FIGN: variants seen among roughly 807,000 people sequenced by gnomAD.
FIGN encodes fidgetin, microtubule severing factor.
FIGN carries 11 observed loss-of-function variants against 51.3 expected under a neutral mutation model. That is an observed-to-expected ratio of 0.21 (90% CI 0.13 to 0.35). The LOEUF (loss-of-function observed/expected upper bound fraction) is 0.35, where lower values mean the gene tolerates loss of function less well. Among genes scored for constraint, FIGN ranks in the 10% least tolerant of loss-of-function variants. The pLI, the probability that FIGN is intolerant of heterozygous loss-of-function variation, is 1.00. For synonymous variants in FIGN, 407 were observed against 363.2 expected (o/e 1.12, Z -1.37); for missense variants, 857 against 943.6 (o/e 0.91, Z 1.20).
At chr2:163,735,298 A>G (rs1173718498) in intron 1 of FIGN, among the ~76,000 whole-genome samples, 1 of 151,716 alleles carries the variant, frequency 6.6e-6, no homozygotes, top group Admixed American at 6.6e-5. Flanking sequence ...CTTGCCAACA[A>G]TACGCCCACC....
At chr2:163,667,272 C>T (rs759813789) in intron 2 of FIGN, among the ~76,000 whole-genome samples, 1 of 151,376 alleles carries the variant, frequency 6.6e-6, no homozygotes, top group African/African-American at 2.4e-5. Context: ...TATTGCTTCA[C>T]CTGTTCTCTC....
chr2:163,611,209 G>A lies in FIGN; in HGVS notation c.623C>T (p.Ser208Leu). The A allele has an allele frequency of 6.2e-7, 1 of 1,614,150 alleles. No homozygotes were observed. The highest frequency in any genetic ancestry group is 8.5e-7 in the Non-Finnish European group (1 of 1,180,020). ...YSSQPAPALP[S>L]PHPSPLHSSG... ...GCTATGCAAAGGAGACGGATGAGGTGAAGGAAGTGCAGGTGCTGGCTGGCT... is the reference window on the plus strand; with the variant it reads ...GCTATGCAAAGGAGACGGATGAGGTAAAGGAAGTGCAGGTGCTGGCTGGCT... Residue 208 changes from serine (S) to leucine (L), a missense_variant, in exon 3 of 3, where the codon TCA becomes TTA. This residue lies in a region of FIGN where 799 missense variants were observed against 849.5 expected (regional missense o/e 0.94). Transcript: ENST00000333129.
chr2:163,693,411 T>C (rs1459073676), intron 2 of FIGN, among the ~76,000 whole-genome samples: 1 of 152,174 alleles, frequency 6.6e-6, no homozygotes, highest in Non-Finnish European at 1.5e-5. Flanking sequence ...TCTCACTTTC[T>C]CCAGTGCCTA....
At chr2:163,646,648 C>A (rs745418428) in intron 2 of FIGN, among the ~76,000 whole-genome samples, 8 of 152,140 alleles carry the variant, frequency 5.3e-5, no homozygotes, top group Admixed American at 2.0e-4. Context: ...TATAAATGTG[C>A]CTCTGAGCCA....
In FIGN at chr2:163,715,861, T is replaced by C. The variant is rs138941736; in HGVS notation, c.25+19042A>G. Among the ~76,000 whole-genome samples, 369 of 152,290 alleles carry C rather than the reference T, an allele frequency of 2.4e-3. 3 individuals carry two copies. The highest frequency in any genetic ancestry group is 8.0e-3 in the African/African-American group (334 of 41,566). On this transcript the variant is annotated intron_variant, in intron 2 of 2. Transcript: ENST00000333129. ...AAAACCTATAAACTCAAAGAAAGTA[T>C]ACACATACGCCCATATATGTATTTG...
chr2:163,658,240 A>G (rs1341581869), intron 2 of FIGN, among the ~76,000 whole-genome samples: 3 of 151,890 alleles, frequency 2.0e-5, no homozygotes, highest in Non-Finnish European at 4.4e-5. Flanking sequence ...GGGATGTCCA[A>G]CTCTGTACAG....
Position 163,735,025 on chromosome 2 carries a change from A to G in FIGN, c.-98T>C. ...AGCCACTTTTCCTCTCAGCTATCAA[A>G]TGTCACTGCCTTGAAACGTGGGCCC... On this transcript the variant is annotated 5_prime_UTR_variant, in exon 2 of 3. Coordinates refer to ENST00000333129, the MANE Select transcript of FIGN (RefSeq NM_018086.4). The G allele has an allele frequency of 7.9e-7, 1 of 1,262,658 alleles. No individual in the cohort carries two copies. Among genetic ancestry groups the G allele is most frequent in the South Asian group, 1.3e-5 (1 of 78,532 alleles). The allele number at this position is 1,262,658 out of a possible 1,614,324, so 78.2% of individuals were successfully genotyped here.
At chr2:163,710,876 A>G (rs1684577280) in intron 2 of FIGN, among the ~76,000 whole-genome samples, 1 of 152,144 alleles carries the variant, frequency 6.6e-6, no homozygotes, top group Non-Finnish European at 1.5e-5. Context: ...AAGAGACACA[A>G]TTACAAGATT....
chr2:163,677,059 C>T (rs1159371019), intron 2 of FIGN, among the ~76,000 whole-genome samples: 1 of 152,192 alleles, frequency 6.6e-6, no homozygotes, highest in Non-Finnish European at 1.5e-5. Context: ...GCAACAATAT[C>T]CTTGTTGACT....
intron 2 of FIGN, among the ~76,000 whole-genome samples, chr2:163,624,371 G>T (rs1683022094): frequency 6.6e-6 from 1 of 150,484 alleles, no homozygotes; most frequent in African/African-American, 2.4e-5. Flanking sequence ...AAATAGGAAT[G>T]AATCATTTTT....
At chr2:163,629,391 G>A (rs535138670) in intron 2 of FIGN, among the ~76,000 whole-genome samples, 1 of 152,264 alleles carries the variant, frequency 6.6e-6, no homozygotes, top group South Asian at 2.1e-4. Context: ...GGTGGGATCA[G>A]ACGTCATGGT....
chr2:163,688,328 CA>C (rs753539794), intron 2 of FIGN, among the ~76,000 whole-genome samples: 31 of 152,166 alleles, frequency 2.0e-4, no homozygotes, highest in Non-Finnish European at 4.1e-4. Context: ...TATAAAATAG[CA>C]AACAAAATGA....
chr2:163,616,456 A>G (rs1001481128), intron 2 of FIGN, among the ~76,000 whole-genome samples: 2 of 152,184 alleles, frequency 1.3e-5, no homozygotes, highest in African/African-American at 4.8e-5. Flanking sequence ...CATCAGGTCT[A>G]AAATAGTTAC....
intron 2 of FIGN, among the ~76,000 whole-genome samples, chr2:163,652,657 A>G (rs1328943515): frequency 1.3e-5 from 2 of 152,168 alleles, no homozygotes; most frequent in African/African-American, 4.8e-5. Context: ...TTGTTTAAGA[A>G]GAAAAGTGTG....
chr2:163,610,551 C>G lies in FIGN; in HGVS notation c.1281G>C (p.Met427Ile). The change falls in exon 3 of 3, where the codon ATG becomes ATC. Residue 427 changes from methionine to isoleucine, a missense_variant. Physicochemically the swap from Met to Ile is conservative, Grantham distance 10. Around this residue, in one of 3 missense-constraint regions of FIGN, gnomAD observed 799 missense variants for 849.5 expected, o/e 0.94. Coordinates refer to ENST00000333129, the MANE Select transcript of FIGN (RefSeq NM_018086.4). ...GCCTGTGCTCGTCCCCATGCTCACT[C>G]ATTACTGGCGATGTGTACTTCCCAA... ...ESFGKYTSPV[M>I]SEHGDEHRQL... The G allele has an allele frequency of 6.2e-7, 1 of 1,614,186 alleles. No homozygotes were observed. Among genetic ancestry groups the G allele is most frequent in the South Asian group, 1.1e-5 (1 of 91,086 alleles).
Position 163,698,881 on chromosome 2 carries a change from G to A in FIGN, c.25+36022C>T, listed in dbSNP as rs77167988. On this transcript the variant is annotated intron_variant, in intron 2 of 2. Coordinates refer to ENST00000333129, the MANE Select transcript of FIGN (RefSeq NM_018086.4). ...TCAGTAAGAAAGACGTTTCTTAAAA[G>A]GGAGGCTTGAAAATAAAGTTTTCTT... Among the ~76,000 whole-genome samples, 1,252 of 152,222 alleles carry A rather than the reference G, an allele frequency of 8.2e-3. 13 individuals are homozygous for A. Among genetic ancestry groups the A allele is most frequent in the African/African-American group, 0.028 (1,160 of 41,540 alleles).
chr2:163,651,789 T>G (rs1683481241), intron 2 of FIGN, among the ~76,000 whole-genome samples: 1 of 152,192 alleles, frequency 6.6e-6, no homozygotes, highest in Non-Finnish European at 1.5e-5. Flanking sequence ...AGTCATTACA[T>G]CGTGGGCAAA....
At chr2:163,728,694 C>T (rs1003206717) in intron 2 of FIGN, among the ~76,000 whole-genome samples, 1 of 152,102 alleles carries the variant, frequency 6.6e-6, no homozygotes, top group East Asian at 1.9e-4. Flanking sequence ...ACAAAGGTGG[C>T]CCCAGATAAA....
intron 2 of FIGN, among the ~76,000 whole-genome samples, chr2:163,644,743 A>G (rs997989130): frequency 6.6e-6 from 1 of 152,224 alleles, no homozygotes. Context: ...ATTCAGCTTT[A>G]AAAAGGAATG....
Sources: allele counts gnomAD v4.1 joint callset (sites outside exome capture counted in the v4.1 genomes callset), GRCh38; gene constraint gnomAD v4.1.1; regional missense constraint gnomAD v4.1.1; transcripts MANE v1.5; gene names NCBI Gene and HGNC (gene_info 2026-07-23, HGNC 2026-07-21).